Variants in FAAH2 observed in about 807,000 individuals in gnomAD.
The protein encoded by FAAH2 is fatty-acid amide hydrolase 2.
A neutral mutation model predicts 36.9 loss-of-function variants in FAAH2; 60 were observed. The ratio of observed to expected loss-of-function variants is 1.63; its 90% CI spans 1.32 to 2.02. FAAH2 has a LOEUF of 2.02. Ranked by LOEUF, FAAH2 falls within the 30% of genes most tolerant of loss-of-function variation. The pLI is 0.00. For synonymous variants in FAAH2, 214 were observed against 143.8 expected (o/e 1.49, Z -3.49); for missense variants, 689 against 397.5 (o/e 1.73, Z -6.23).
intron 10 of FAAH2, among the ~76,000 whole-genome samples, chrX:57,460,411 A>T (rs752760875): frequency 2.7e-5 from 3 of 111,834 alleles, no homozygotes; most frequent in Non-Finnish European, 5.6e-5. Context: ...CTAGAGAGAA[A>T]GGTCAGGTTA....
intron 7 of FAAH2, among the ~76,000 whole-genome samples, chrX:57,429,723 C>A (rs181163495): frequency 8.9e-6 from 1 of 112,056 alleles, no homozygotes; most frequent in Non-Finnish European, 1.9e-5. Context: ...AGGATATCTA[C>A]ACTCATGTGT....
chrX:57,478,264 T>C (rs1428862697), intron 10 of FAAH2, among the ~76,000 whole-genome samples: 1 of 111,925 alleles, frequency 8.9e-6, no homozygotes, highest in African/African-American at 3.2e-5. Flanking sequence ...TTTTCATGTG[T>C]TTTTTGGCTT....
chrX:57,139,910 T>C, the FAAH2 span, among the ~76,000 whole-genome samples: 1 of 112,086 alleles, frequency 8.9e-6, no homozygotes, highest in Non-Finnish European at 1.9e-5. Flanking sequence ...CTTTGGTGTT[T>C]TGACAGAGAT....
rs189336781 is a variant in FAAH2, at chrX:57,394,283, G to A, written c.996+13254G>A. On this transcript the variant is annotated intron_variant, in intron 7 of 10. Coordinates refer to ENST00000374900, the MANE Select transcript of FAAH2 (RefSeq NM_174912.4). ...GGCTTGCACCAGCCCGATTGTAGTC[G>A]TGCTTTTCCCTTCTCCCAGGGGTGT... 7.3e-4 allele frequency: 664 copies of A among 909,291 alleles called. 1 individual carries two copies. The African/African-American group carries it at 7.4e-3, about 10-fold the overall frequency. 74.9% of individuals were successfully genotyped at this position (909,291 alleles called of 1,213,427 possible). A position where few individuals can be genotyped will look rare whatever the true frequency, so the allele number is the denominator to read the frequency against.
At chrX:57,138,350 A>G in the FAAH2 span, among the ~76,000 whole-genome samples, 1 of 111,219 alleles carries the variant, frequency 9.0e-6, no homozygotes, top group Non-Finnish European at 1.9e-5. Context: ...TAAAAACAAT[A>G]TGTTGGCTAA....
At chrX:57,163,943 A>G in the FAAH2 span, among the ~76,000 whole-genome samples, 1 of 112,343 alleles carries the variant, frequency 8.9e-6, no homozygotes, top group South Asian at 3.7e-4. Context: ...AAACAAAACA[A>G]ATGCTGTGGA....
intron 7 of FAAH2, among the ~76,000 whole-genome samples, chrX:57,408,279 A>G (rs2055615540): frequency 9.0e-6 from 1 of 110,782 alleles, no homozygotes; most frequent in Non-Finnish European, 1.9e-5. Flanking sequence ...TAATTTTCCA[A>G]TCTGTGAACA....
chrX:57,331,218 C>T (rs2053395857), intron 3 of FAAH2, among the ~76,000 whole-genome samples: 1 of 111,703 alleles, frequency 9.0e-6, no homozygotes, highest in African/African-American at 3.3e-5. Flanking sequence ...CCCTGCTAAT[C>T]CAAGTGTCCA....
intron 2 of FAAH2, among the ~76,000 whole-genome samples, chrX:57,302,759 A>C: frequency 9.0e-6 from 1 of 111,299 alleles, no homozygotes; most frequent in Non-Finnish European, 1.9e-5. Flanking sequence ...AAACCCTCTC[A>C]GACCTCAATA....
intron 10 of FAAH2, among the ~76,000 whole-genome samples, chrX:57,480,571 G>A (rs770244477): frequency 4.5e-5 from 5 of 111,897 alleles, no homozygotes; most frequent in Non-Finnish European, 9.4e-5. Context: ...TGCCCCCACT[G>A]TCTTTAGGCT....
chrX:57,263,609 CATTT>C, the FAAH2 span, among the ~76,000 whole-genome samples: 6 of 111,481 alleles, frequency 5.4e-5, no homozygotes, highest in African/African-American at 1.9e-4. Context: ...TAAATTATAA[CATTT>C]ATAAGTGAAG....
At chrX:57,213,856 G>A in the FAAH2 span, among the ~76,000 whole-genome samples, 2 of 111,712 alleles carry the variant, frequency 1.8e-5, no homozygotes, top group Non-Finnish European at 1.9e-5. Flanking sequence ...GGTCTATTGT[G>A]CAAACTATGT....
chrX:57,259,719 T>C, the FAAH2 span, among the ~76,000 whole-genome samples: 1 of 112,026 alleles, frequency 8.9e-6, no homozygotes, highest in South Asian at 3.6e-4. Context: ...TGTGAGGTGA[T>C]GGATATATTA....
intron 2 of FAAH2, among the ~76,000 whole-genome samples, chrX:57,300,088 C>T (rs929409998): frequency 6.3e-5 from 7 of 111,580 alleles, no homozygotes; most frequent in Non-Finnish European, 1.3e-4. Flanking sequence ...ACTTTCTTCA[C>T]AGAATTGGAA....
chrX:57,295,693 A>T (rs1383461032), intron 2 of FAAH2, among the ~76,000 whole-genome samples: 2 of 112,329 alleles, frequency 1.8e-5, no homozygotes, highest in African/African-American at 6.5e-5. Context: ...GGATCAGGGA[A>T]TTCCCTTTCC....
chrX:57,399,528 G>T (rs2055383295), intron 7 of FAAH2, among the ~76,000 whole-genome samples: 1 of 111,634 alleles, frequency 9.0e-6, no homozygotes, highest in African/African-American at 3.3e-5. Context: ...CATACTAGGG[G>T]TCCTTCTATA....
At chrX:57,241,636 A>G in the FAAH2 span, among the ~76,000 whole-genome samples, 3 of 111,565 alleles carry the variant, frequency 2.7e-5, no homozygotes, top group Non-Finnish European at 3.8e-5. Context: ...ATTCTGGTGC[A>G]CCATCACTAA....
chrX:57,470,366 G>C (rs2057140698), intron 10 of FAAH2, among the ~76,000 whole-genome samples: 1 of 111,013 alleles, frequency 9.0e-6, no homozygotes, highest in African/African-American at 3.3e-5. Context: ...GACTAATAAA[G>C]AAGAAAAGAG....
chrX:57,261,161 A>G, the FAAH2 span, among the ~76,000 whole-genome samples: 1 of 111,904 alleles, frequency 8.9e-6, no homozygotes, highest in African/African-American at 3.2e-5. Context: ...GAAATAATCA[A>G]TAAATTTTCG....
Sources: gnomAD v4.1 joint callset for allele counts (sites outside exome capture counted in the v4.1 genomes callset) on GRCh38, gnomAD v4.1.1 for gene constraint, MANE v1.5 for transcripts, NCBI Gene and HGNC (gene_info 2026-07-23, HGNC 2026-07-21) for gene names.